Variants in NFIA observed in about 807,000 individuals in gnomAD.
NFIA encodes the protein nuclear factor I A.
In NFIA, 8 loss-of-function variants were observed where a neutral mutation model predicts 62.8. The observed-to-expected ratio is 0.13, with a 90% CI of 0.07 to 0.23. The LOEUF is 0.23. Ranked by LOEUF, NFIA falls within the 10% of genes least tolerant of loss-of-function variation. NFIA has a pLI of 1.00. For synonymous variants in NFIA, 235 were observed against 238.1 expected, an observed-to-expected ratio of 0.99 and a Z score of 0.12; for missense variants, 410 against 642.1, an observed-to-expected ratio of 0.64 and a Z score of 3.91.
At chr1:61,340,671 G>A (rs1454186933) in intron 4 of NFIA, among the ~76,000 whole-genome samples, 3 of 152,156 alleles carry the variant, frequency 2.0e-5, no homozygotes, top group African/African-American at 7.2e-5. Flanking sequence ...GCCAATCTTG[G>A]AGCTGACCAC....
At chr1:61,352,600 G>C in intron 5 of NFIA, 33 bp downstream of exon 5, 3 of 1,498,474 alleles carry the variant, frequency 2.0e-6, no homozygotes, top group Non-Finnish European at 2.8e-6. Flanking sequence ...AAGAAATTAT[G>C]CTACATGGTT....
intron 2 of NFIA, among the ~76,000 whole-genome samples, chr1:61,242,726 T>C (rs1655417701): frequency 6.6e-6 from 1 of 152,212 alleles, no homozygotes; most frequent in Non-Finnish European, 1.5e-5. Context: ...GATTGAGACC[T>C]GCATTCCTAA....
chr1:61,199,869 C>T (rs958850950), intron 2 of NFIA, among the ~76,000 whole-genome samples: 2 of 151,072 alleles, frequency 1.3e-5, no homozygotes, highest in Admixed American at 6.6e-5. Flanking sequence ...GTTGTGCGTG[C>T]CTGTAATCGC....
At chr1:61,425,929 A>C (rs971199016) in intron 9 of NFIA, among the ~76,000 whole-genome samples, 2 of 152,218 alleles carry the variant, frequency 1.3e-5, no homozygotes, top group African/African-American at 4.8e-5. Context: ...AAGACAGCTT[A>C]TTCTGAATGG....
At chr1:61,419,917 G>A (rs1666528906) in intron 9 of NFIA, among the ~76,000 whole-genome samples, 1 of 152,120 alleles carries the variant, frequency 6.6e-6, no homozygotes. Flanking sequence ...TGTTGCTGTT[G>A]GTAACTTGTT....
At position 61,233,404 on chromosome 1, in the gene NFIA, G is replaced by C. The variant is rs1393178092; in HGVS notation, c.560-44116G>C. Among the ~76,000 whole-genome samples the C allele has an allele frequency of 2.0e-5, 3 of 152,172 alleles. No individual in the cohort carries two copies. In the East Asian group the frequency reaches 5.8e-4, roughly 29 times the overall value. On this transcript the variant is annotated intron_variant, in intron 2 of 10. Coordinates refer to ENST00000403491, the MANE Select transcript of NFIA (RefSeq NM_001134673.4). The stretch of plus-strand genomic sequence containing the variant: ...GAAACTCAGTTCATAGGTGACGGGA[G>C]AAAGTTCCGTAAGTTGACCGTCACG...
At chr1:61,155,997 G>T (rs1188108979) in intron 2 of NFIA, among the ~76,000 whole-genome samples, 1 of 152,076 alleles carries the variant, frequency 6.6e-6, no homozygotes, top group Non-Finnish European at 1.5e-5. Flanking sequence ...AATTAGCTCG[G>T]CGTTGCGTGC....
rs749207484 is a variant in NFIA, at chr1:61,404,193, C to T, written c.1165C>T (p.Arg389Cys). 47 of 1,614,100 alleles carry T rather than the reference C, an allele frequency of 2.9e-5. No individual in the cohort carries two copies. The highest frequency in any genetic ancestry group is 3.4e-5 in the Non-Finnish European group (40 of 1,180,048). The change falls in exon 8 of 11, where the codon CGC becomes TGC. Residue 389 changes from arginine to cysteine, a missense_variant. This residue lies in a region of NFIA where 298 missense variants were observed against 438.1 expected (regional missense o/e 0.68). Coordinates refer to ENST00000403491, the MANE Select transcript of NFIA (RefSeq NM_001134673.4). ...PGPYFSHPAI[R>C]YHPQETLKEF... is the part of the protein sequence containing the mutation. ...GCCTTACTTCTCACACCCAGCCATC[C>T]GCTATCACCCTCAGGAGACGCTGAA... is the stretch of plus-strand genomic sequence containing the variant.
chr1:61,120,686 T>A (rs2100469501), intron 2 of NFIA, among the ~76,000 whole-genome samples: 2 of 152,324 alleles, frequency 1.3e-5, no homozygotes, highest in South Asian at 4.1e-4. Context: ...TACGAGGCCT[T>A]CTACAGTTTG....
chr1:61,219,086 G>C (rs1208281204), intron 2 of NFIA, among the ~76,000 whole-genome samples: 1 of 152,018 alleles, frequency 6.6e-6, no homozygotes, highest in Non-Finnish European at 1.5e-5. Context: ...ACAAAAAGTA[G>C]CTGGGTGTAG....
chr1:61,303,617 G>A (rs1659602689), intron 3 of NFIA, among the ~76,000 whole-genome samples: 1 of 152,206 alleles, frequency 6.6e-6, no homozygotes, highest in South Asian at 2.1e-4. Flanking sequence ...AGGAACTCAG[G>A]TAAAAGCCTG....
intron 2 of NFIA, among the ~76,000 whole-genome samples, chr1:61,114,935 T>G (rs1341462873): frequency 6.6e-6 from 1 of 152,172 alleles, no homozygotes; most frequent in South Asian, 2.1e-4. Context: ...AAGTATTCAT[T>G]TCAACATTAA....
chr1:61,251,110 G>T (rs1338536384), intron 2 of NFIA: 1 of 152,084 alleles, frequency 6.6e-6, no homozygotes, highest in Non-Finnish European at 1.5e-5. Context: ...TGCTTCAAAG[G>T]CTTCTTTTAA....
chr1:61,340,877 A>G (rs149436730), intron 4 of NFIA, among the ~76,000 whole-genome samples: 67 of 152,218 alleles, frequency 4.4e-4, no homozygotes, highest in African/African-American at 1.2e-3. Context: ...TTTTTCCTCA[A>G]ATTTTCAGAA....
intron 2 of NFIA, among the ~76,000 whole-genome samples, chr1:61,096,547 C>CTTTTTGT (rs1646417950): frequency 1.2e-5 from 1 of 80,606 alleles, no homozygotes; most frequent in African/African-American, 5.4e-5. Flanking sequence ...AAGATTAGTT[C>CTTTTTGT]TTTTTTTTTT....
At chr1:61,403,954 T>C (rs540786890) in intron 7 of NFIA, 150 bp from the exon 8 acceptor site, 4 of 832,230 alleles carry the variant, frequency 4.8e-6, no homozygotes, top group South Asian at 4.1e-5. Flanking sequence ...AGGAAGAAAA[T>C]CTGTCAGACC....
chr1:61,100,439 T>A (rs1297236079), intron 2 of NFIA, among the ~76,000 whole-genome samples: 4 of 152,160 alleles, frequency 2.6e-5, no homozygotes, highest in African/African-American at 9.7e-5. Context: ...ATTCCCGAGA[T>A]GCAAAACTGA....
intron 2 of NFIA, among the ~76,000 whole-genome samples, chr1:61,164,348 A>C (rs915218408): frequency 6.6e-6 from 1 of 152,200 alleles, no homozygotes; most frequent in African/African-American, 2.4e-5. Flanking sequence ...CAGAAACTAC[A>C]CAGGAGACAT....
chr1:61,161,296 A>G (rs1323845963), intron 2 of NFIA, among the ~76,000 whole-genome samples: 2 of 152,196 alleles, frequency 1.3e-5, no homozygotes, highest in East Asian at 3.9e-4. Context: ...ATTTGGAAAT[A>G]CATCTGAAAA....
Sources: gnomAD v4.1 joint callset for allele counts (sites outside exome capture counted in the v4.1 genomes callset) on GRCh38, gnomAD v4.1.1 for gene constraint, gnomAD v4.1.1 regional missense constraint, MANE v1.5 for transcripts, NCBI Gene and HGNC (gene_info 2026-07-23, HGNC 2026-07-21) for gene names.